Variants in CSMD3 observed in about 807,000 individuals in gnomAD.
CSMD3 encodes the protein CUB and Sushi multiple domains 3, also known as CUB and sushi domain-containing protein 3.
A neutral mutation model predicts 435.2 loss-of-function variants in CSMD3; 177 were observed. The ratio of observed to expected loss-of-function variants is 0.41; its 90% confidence interval spans 0.36 to 0.46. CSMD3 has a LOEUF of 0.46. CSMD3 is among the 20% of genes least tolerant of loss of function. The pLI, the probability that CSMD3 is intolerant of heterozygous loss-of-function variation, is 0.34. For synonymous variants in CSMD3, 1,656 were observed against 1,520.5 expected (o/e 1.09, Z -2.07); for missense variants, 4,265 against 4,504.6 (o/e 0.95, Z 1.52).
intron 5 of CSMD3, among the ~76,000 whole-genome samples, chr8:113,043,379 T>C (rs540993591): frequency 6.6e-6 from 1 of 152,292 alleles, no homozygotes; most frequent in Non-Finnish European, 1.5e-5. Flanking sequence ...ATGTATTTTA[T>C]TATGCCAGAT....
intron 38 of CSMD3, among the ~76,000 whole-genome samples, chr8:112,356,472 T>A (rs1826612998): frequency 2.0e-5 from 3 of 152,066 alleles, no homozygotes; most frequent in African/African-American, 7.2e-5. Flanking sequence ...GACATGTGGA[T>A]GAAGATTGAA....
At chr8:113,367,705 G>A (rs998008097) in intron 1 of CSMD3, among the ~76,000 whole-genome samples, 2 of 151,884 alleles carry the variant, frequency 1.3e-5, no homozygotes, top group East Asian at 1.9e-4. Flanking sequence ...TTCCATTCAG[G>A]GCCTTTGCAC....
At position 112,313,907 on chromosome 8, in the gene CSMD3, T is replaced by C. The variant is rs2130830231; in HGVS notation, c.7695A>G (p.Ile2565Met). Residue 2565 changes from isoleucine to methionine, a missense_variant and splice_region_variant, in exon 49 of 71, where the codon ATA (isoleucine) becomes ATG (methionine). Ile to Met is a conservative substitution (Grantham distance 10). Coordinates refer to ENST00000297405, the MANE Select transcript of CSMD3 (RefSeq NM_198123.2). ...NNKKGFRIRY[I>M]AFYCSTPESP... is the part of the protein sequence containing the mutation. ...CCTGAAGTTATAAGTTTTACATACC[T>C]ATATATCTTATCCGGAAGCCTTTTT... The C allele has an allele frequency of 6.2e-7, 1 of 1,608,572 alleles. No individual in the cohort carries two copies. Among genetic ancestry groups the C allele is most frequent in the South Asian group, 1.1e-5 (1 of 90,978 alleles).
chr8:112,333,862 G>A (rs1338189560), intron 45 of CSMD3, among the ~76,000 whole-genome samples: 1 of 152,066 alleles, frequency 6.6e-6, no homozygotes, highest in Non-Finnish European at 1.5e-5. Flanking sequence ...AAATATTGAG[G>A]CAGAAATCCA....
At chr8:112,747,962 C>CAAAAAAAAAAAAAAAAAAAAAAAAAAAA (rs71309788) in intron 13 of CSMD3, among the ~76,000 whole-genome samples, 2 of 96,778 alleles carry the variant, frequency 2.1e-5, no homozygotes, top group African/African-American at 3.9e-5. Context: ...GACTCCGTCT[C>CAAAAAAAAAAAAAAAAAAAAAAAAAAAA]AAAAAAAAAA....
chr8:112,415,830 A>T (rs977142246), intron 32 of CSMD3, among the ~76,000 whole-genome samples: 5 of 152,070 alleles, frequency 3.3e-5, no homozygotes, highest in African/African-American at 4.8e-5. Flanking sequence ...TGGATTTTGG[A>T]CTTGTATGGG....
rs73702276 is a variant in CSMD3 at position 113,017,540 on chromosome 8, T to C, written c.1030+1527A>G. Among the ~76,000 whole-genome samples, 1,193 of 152,080 alleles carry C rather than the reference T, an allele frequency of 7.8e-3. 19 individuals are homozygous for C. The highest frequency in any genetic ancestry group is 0.027 in the African/African-American group (1,131 of 41,536). On this transcript the variant is annotated intron_variant, in intron 6 of 70. Transcript: ENST00000297405. ...GAAGCCATTTGACCAGAAGATTCCA[T>C]GAATCTAGTAGAAAAGATCACAGGA...
chr8:113,411,063 G>A (rs2129788858), intron 1 of CSMD3, among the ~76,000 whole-genome samples: 1 of 151,328 alleles, frequency 6.6e-6, no homozygotes, highest in Non-Finnish European at 1.5e-5. Flanking sequence ...TAGGAAGGAA[G>A]GAAGGAAGGA....
intron 27 of CSMD3, among the ~76,000 whole-genome samples, chr8:112,535,022 G>A (rs1195831997): frequency 6.6e-6 from 1 of 152,080 alleles, no homozygotes; most frequent in African/African-American, 2.4e-5. Context: ...GTATTGATGG[G>A]ACATATCTCA....
intron 41 of CSMD3, among the ~76,000 whole-genome samples, chr8:112,342,985 A>T (rs1321454115): frequency 5.1e-4 from 25 of 48,592 alleles, no homozygotes; most frequent in Admixed American, 1.9e-3. Context: ...ATATATATAT[A>T]TTTATATATA....
chr8:113,152,089 A>G (rs2091819894), intron 4 of CSMD3, among the ~76,000 whole-genome samples: 1 of 151,796 alleles, frequency 6.6e-6, no homozygotes, highest in Non-Finnish European at 1.5e-5. Flanking sequence ...ACATGGTGGT[A>G]CAACCGCCTG....
chr8:112,407,731 A>G (rs1831983092), intron 34 of CSMD3, among the ~76,000 whole-genome samples: 1 of 152,062 alleles, frequency 6.6e-6, no homozygotes, highest in East Asian at 1.9e-4. Context: ...CTATATGACC[A>G]TATATATTTC....
intron 52 of CSMD3, among the ~76,000 whole-genome samples, chr8:112,302,545 G>T (rs1821028594): frequency 6.6e-6 from 1 of 151,930 alleles, no homozygotes; most frequent in South Asian, 2.1e-4. Context: ...GGCTTGCTGG[G>T]TCATATAGCA....
chr8:113,060,796 A>T (rs2088579188), intron 5 of CSMD3, among the ~76,000 whole-genome samples: 1 of 152,160 alleles, frequency 6.6e-6, no homozygotes, highest in Non-Finnish European at 1.5e-5. Context: ...CAGTTAAAAA[A>T]TTGGAGAAAA....
At chr8:112,556,736 C>T (rs1469414084) in intron 25 of CSMD3, 27 bp downstream of exon 25, 1 of 1,555,030 alleles carries the variant, frequency 6.4e-7, no homozygotes. Context: ...CAGAAATATT[C>T]AATGAAAATC....
intron 16 of CSMD3, among the ~76,000 whole-genome samples, chr8:112,667,611 G>A (rs539377829): frequency 6.6e-6 from 1 of 152,008 alleles, no homozygotes; most frequent in African/African-American, 2.4e-5. Context: ...GGCTCTGTGG[G>A]ATCTAGCTGT....
At chr8:112,243,089 A>AGTT (rs1814322813) in intron 65 of CSMD3, among the ~76,000 whole-genome samples, 1 of 152,130 alleles carries the variant, frequency 6.6e-6, no homozygotes, top group African/African-American at 2.4e-5. Context: ...TTAAAATTAC[A>AGTT]GTTGTAAACA....
intron 7 of CSMD3, among the ~76,000 whole-genome samples, chr8:112,957,901 G>A (rs527454225): frequency 6.6e-6 from 1 of 151,420 alleles, no homozygotes; most frequent in Non-Finnish European, 1.5e-5. Context: ...GCGCACCACC[G>A]CGCCCAGATA....
At chr8:113,203,386 C>T (rs1337882720) in intron 3 of CSMD3, among the ~76,000 whole-genome samples, 2 of 151,836 alleles carry the variant, frequency 1.3e-5, no homozygotes, top group Non-Finnish European at 1.5e-5. Flanking sequence ...CTGCAGCCTC[C>T]ACCATGGACC....
Sources: allele counts gnomAD v4.1 joint callset (sites outside exome capture counted in the v4.1 genomes callset), GRCh38; gene constraint gnomAD v4.1.1; transcripts MANE v1.5; gene names NCBI Gene and HGNC (gene_info 2026-07-23, HGNC 2026-07-21).